The following SREK1IP1 variants were observed in gnomAD, a reference collection of about 807,000 sequenced individuals.
The protein encoded by SREK1IP1 is SREK1 interacting protein 1.
A neutral mutation model predicts 22.8 loss-of-function variants in SREK1IP1; 12 were observed. The ratio of observed to expected loss-of-function variants is 0.53; its 90% CI spans 0.34 to 0.85. The LOEUF (loss-of-function observed/expected upper bound fraction) is 0.85. SREK1IP1 is among the 40% of genes least tolerant of loss of function. The probability of loss-of-function intolerance (pLI) is 0.02; values close to 1 mark genes in which losing one functional copy is unlikely to be tolerated. For synonymous variants in SREK1IP1, 53 were observed against 52.7 expected, an observed-to-expected ratio of 1.01 and a Z score of -0.02; for missense variants, 147 against 171.8, an observed-to-expected ratio of 0.86 and a Z score of 0.81.
At chr5:64,756,011 C>G (rs945871544) in intron 1 of SREK1IP1, among the ~76,000 whole-genome samples, 7 of 151,874 alleles carry the variant, frequency 4.6e-5, no homozygotes, top group Non-Finnish European at 7.4e-5. Context: ...CAAATTTTGA[C>G]AAGAGAAAAC....
intron 2 of SREK1IP1, among the ~76,000 whole-genome samples, chr5:64,749,918 C>G (rs1477504745): frequency 6.6e-6 from 1 of 152,176 alleles, no homozygotes; most frequent in Non-Finnish European, 1.5e-5. Context: ...GGGCATTTCT[C>G]TATAGTTAAT....
At chr5:64,738,450 T>G (rs1742500701) in intron 3 of SREK1IP1, among the ~76,000 whole-genome samples, 2 of 152,020 alleles carry the variant, frequency 1.3e-5, no homozygotes, top group Non-Finnish European at 2.9e-5. Context: ...CCTACCAAAA[T>G]CCCAATGGCT....
At chr5:64,728,933 C>T (rs190284095) in intron 3 of SREK1IP1, among the ~76,000 whole-genome samples, 37 of 152,222 alleles carry the variant, frequency 2.4e-4, no homozygotes, top group African/African-American at 8.2e-4. Context: ...GTGGCTCATG[C>T]CTGTAATCCC....
Position 64,768,580 on chromosome 5 carries a change from C to T in SREK1IP1, c.-63G>A. ...CGAAAAGGCGCTTGCTTCCCGCCAG[C>T]TGTGAGAACAAGGCACAGTCAAAGC... On this transcript the variant is annotated 5_prime_UTR_variant, in exon 1 of 5. Transcript: ENST00000513458. The T allele has an allele frequency of 6.2e-7, 1 of 1,612,916 alleles. No individual in the cohort carries two copies. The highest frequency in any genetic ancestry group is 1.1e-5 in the South Asian group (1 of 90,822).
At chr5:64,744,205 T>G (rs1299127361) in intron 2 of SREK1IP1, among the ~76,000 whole-genome samples, 2 of 152,014 alleles carry the variant, frequency 1.3e-5, no homozygotes, top group African/African-American at 2.4e-5. Flanking sequence ...CAAGCGCAGG[T>G]AGGGCACCAT....
At chr5:64,739,211 T>C (rs560728430) in intron 3 of SREK1IP1, among the ~76,000 whole-genome samples, 2 of 152,284 alleles carry the variant, frequency 1.3e-5, no homozygotes, top group Admixed American at 6.5e-5. Context: ...GAGTGAAGTA[T>C]TTCCTAGACT....
At chr5:64,744,702 A>T (rs1281559989) in intron 2 of SREK1IP1, among the ~76,000 whole-genome samples, 2 of 152,196 alleles carry the variant, frequency 1.3e-5, no homozygotes, top group Admixed American at 1.3e-4. Flanking sequence ...AGTTTTATTA[A>T]TCACAACACG....
chr5:64,755,581 GA>G (rs1209560724), intron 1 of SREK1IP1, among the ~76,000 whole-genome samples: 1 of 152,092 alleles, frequency 6.6e-6, no homozygotes. Flanking sequence ...GACAAGGGTT[GA>G]AAAACTGTTG....
intron 3 of SREK1IP1, among the ~76,000 whole-genome samples, chr5:64,731,543 A>G (rs2112089640): frequency 6.6e-6 from 1 of 150,848 alleles, no homozygotes; most frequent in African/African-American, 2.4e-5. Flanking sequence ...AAAAAAGAGG[A>G]CAGGAATCTT....
In SREK1IP1 at chr5:64,719,940, T is replaced by G. The variant is rs1742128285; in HGVS notation, c.*4444A>C. ...TTTTGGTCTCAGCACTAGGATCAGC[T>G]GGAGTCCTTGAAGCACTCCCTGCTG... On this transcript the variant is annotated 3_prime_UTR_variant, in exon 5 of 5. Transcript: ENST00000513458. 1 of 152,232 alleles carries G rather than the reference T, an allele frequency of 6.6e-6. No homozygotes were observed. The highest frequency in any genetic ancestry group is 1.5e-5 in the Non-Finnish European group (1 of 68,044). 9.4% of individuals were successfully genotyped at this position (152,232 alleles called of 1,614,324 possible).
At chr5:64,762,473 G>A (rs1742966546) in intron 1 of SREK1IP1, among the ~76,000 whole-genome samples, 1 of 151,914 alleles carries the variant, frequency 6.6e-6, no homozygotes, top group South Asian at 2.1e-4. Flanking sequence ...TTTATAAGTG[G>A]TAATATCTAT....
At chr5:64,740,314 T>C (rs1742532245) in intron 3 of SREK1IP1, among the ~76,000 whole-genome samples, 1 of 152,124 alleles carries the variant, frequency 6.6e-6, no homozygotes, top group Non-Finnish European at 1.5e-5. Flanking sequence ...TATATAATTA[T>C]CATTTACATC....
chr5:64,733,375 T>TAC (rs1007551965), intron 3 of SREK1IP1, among the ~76,000 whole-genome samples: 1 of 152,068 alleles, frequency 6.6e-6, no homozygotes, highest in Non-Finnish European at 1.5e-5. Context: ...CACATATATA[T>TAC]ACACACACAC....
Position 64,719,289 on chromosome 5 carries a change from G to A in SREK1IP1, c.*5095C>T, listed in dbSNP as rs1468848847. 2 of 152,096 alleles carry A rather than the reference G, an allele frequency of 1.3e-5. No individual in the cohort carries two copies. Among genetic ancestry groups the A allele is most frequent in the African/African-American group, 4.8e-5 (2 of 41,416 alleles). The allele number at this position is 152,096 out of a possible 1,614,324, so 9.4% of individuals were successfully genotyped here. On this transcript the variant is annotated 3_prime_UTR_variant, in exon 5 of 5. Transcript: ENST00000513458. Reference sequence around the variant, plus strand: ...CAGATCACTATTGCAACAACCTACTGCCAAAGTTGAACTTCACATTCAAAA... The same window carrying A: ...CAGATCACTATTGCAACAACCTACTACCAAAGTTGAACTTCACATTCAAAA...
intron 2 of SREK1IP1, among the ~76,000 whole-genome samples, chr5:64,743,207 A>C (rs750386436): frequency 3.9e-5 from 6 of 152,170 alleles, no homozygotes; most frequent in Non-Finnish European, 7.3e-5. Context: ...TAAGATAATA[A>C]TACTGTTCCT....
chr5:64,731,269 A>G (rs1742372824), intron 3 of SREK1IP1, among the ~76,000 whole-genome samples: 1 of 152,062 alleles, frequency 6.6e-6, no homozygotes, highest in Non-Finnish European at 1.5e-5. Context: ...AAATAAGACA[A>G]TTGAGAGTTT....
At chr5:64,746,546 T>G (rs189935470) in intron 2 of SREK1IP1, among the ~76,000 whole-genome samples, 1 of 152,180 alleles carries the variant, frequency 6.6e-6, no homozygotes, top group South Asian at 2.1e-4. Flanking sequence ...CATTTGTCTA[T>G]AGAAGAAATA....
intron 3 of SREK1IP1, 121 bp from the exon 4 acceptor site, chr5:64,728,300 G>GT (rs1742312341): frequency 2.1e-6 from 2 of 962,244 alleles, no homozygotes; most frequent in Non-Finnish European, 2.7e-6. Context: ...GATAATTTTT[G>GT]TAATAATTTT....
intron 1 of SREK1IP1, among the ~76,000 whole-genome samples, chr5:64,754,932 A>G (rs1475990437): frequency 3.3e-5 from 5 of 152,094 alleles, no homozygotes; most frequent in African/African-American, 1.2e-4. Context: ...AATAAGACAA[A>G]CACATATGGC....
Sources: gnomAD v4.1 joint callset for allele counts (sites outside exome capture counted in the v4.1 genomes callset) on GRCh38, gnomAD v4.1.1 for gene constraint, MANE v1.5 for transcripts, NCBI Gene and HGNC (gene_info 2026-07-23, HGNC 2026-07-21) for gene names.